PPFIA2: variants seen among roughly 807,000 people sequenced by gnomAD.
The protein encoded by PPFIA2 is liprin-alpha-2.
A neutral mutation model predicts 175.5 loss-of-function variants in PPFIA2; 46 were observed. The observed-to-expected ratio is 0.26, with a 90% CI of 0.21 to 0.34. PPFIA2 has a LOEUF of 0.34. Ranked by LOEUF, PPFIA2 falls within the 10% of genes least tolerant of loss-of-function variation. The probability of loss-of-function intolerance (pLI) is 1.00; values close to 1 mark genes in which losing one functional copy is unlikely to be tolerated. For missense variants in PPFIA2, 1,179 were observed against 1,506.1 expected, an observed-to-expected ratio of 0.78 and a Z score of 3.60; for synonymous variants, 568 against 511.4, an observed-to-expected ratio of 1.11 and a Z score of -1.49.
At chr12:81,560,007 T>TA (rs2069687344) in intron 4 of PPFIA2, among the ~76,000 whole-genome samples, 1 of 152,194 alleles carries the variant, frequency 6.6e-6, no homozygotes. Flanking sequence ...CACTTTGCAC[T>TA]AACAGACACT....
chr12:81,426,356 A>G (rs888101420), intron 7 of PPFIA2, among the ~76,000 whole-genome samples: 1 of 152,120 alleles, frequency 6.6e-6, no homozygotes, highest in African/African-American at 2.4e-5. Flanking sequence ...TTTACCTATA[A>G]TAAACCATAA....
chr12:81,421,553 G>GA (rs201386598), intron 7 of PPFIA2, among the ~76,000 whole-genome samples: 36 of 150,710 alleles, frequency 2.4e-4, no homozygotes, highest in Admixed American at 2.3e-3. Context: ...TATACAAGAA[G>GA]AAAAAAAATC....
At chr12:81,416,794 C>G (rs1468823778) in intron 7 of PPFIA2, among the ~76,000 whole-genome samples, 1 of 151,576 alleles carries the variant, frequency 6.6e-6, no homozygotes, top group East Asian at 1.9e-4. Context: ...AATTAATTAT[C>G]TCCCCAACTA....
At chr12:81,757,264 T>A (rs2084834824) in intron 2 of PPFIA2, among the ~76,000 whole-genome samples, 1 of 152,174 alleles carries the variant, frequency 6.6e-6, no homozygotes, top group Non-Finnish European at 1.5e-5. Flanking sequence ...GTCTAGTGCG[T>A]TTCACCCAGA....
intron 16 of PPFIA2, among the ~76,000 whole-genome samples, chr12:81,354,100 G>A (rs192796409): frequency 6.6e-6 from 1 of 152,166 alleles, no homozygotes; most frequent in Admixed American, 6.5e-5. Flanking sequence ...CTGGTGGAAG[G>A]TCTTGCCTTG....
At chr12:81,667,754 A>C (rs1283548625) in intron 4 of PPFIA2, among the ~76,000 whole-genome samples, 1 of 151,982 alleles carries the variant, frequency 6.6e-6, no homozygotes, top group Non-Finnish European at 1.5e-5. Context: ...CATTGTGGAT[A>C]TCCAGACCAT....
At chr12:81,724,636 T>G (rs755076549) in intron 3 of PPFIA2, among the ~76,000 whole-genome samples, 3 of 151,036 alleles carry the variant, frequency 2.0e-5, no homozygotes, top group Non-Finnish European at 4.5e-5. Flanking sequence ...TCTATCCTTG[T>G]TGCTGCAAAA....
At chr12:81,633,265 C>A (rs1295885625) in intron 4 of PPFIA2, among the ~76,000 whole-genome samples, 3 of 152,022 alleles carry the variant, frequency 2.0e-5, no homozygotes, top group African/African-American at 7.2e-5. Context: ...TCTTTCTTAT[C>A]CAAAAGATAC....
chr12:81,604,761 C>G (rs1406818959), intron 4 of PPFIA2, among the ~76,000 whole-genome samples: 1 of 151,576 alleles, frequency 6.6e-6, no homozygotes, highest in Non-Finnish European at 1.5e-5. Flanking sequence ...TAAGATGTAT[C>G]TTTTCCAAGA....
intron 4 of PPFIA2, among the ~76,000 whole-genome samples, chr12:81,466,778 A>G (rs2055719643): frequency 6.6e-6 from 1 of 151,416 alleles, no homozygotes; most frequent in Non-Finnish European, 1.5e-5. Context: ...TATCCCCACA[A>G]TGGCTGTTCT....
intron 3 of PPFIA2, among the ~76,000 whole-genome samples, chr12:81,708,157 A>G (rs1478479484): frequency 6.6e-6 from 1 of 151,952 alleles, no homozygotes; most frequent in Non-Finnish European, 1.5e-5. Flanking sequence ...ATGTACCCTA[A>G]AACTTAAAGT....
chr12:81,442,914 T>C (rs1183048721), intron 6 of PPFIA2, among the ~76,000 whole-genome samples: 1 of 131,422 alleles, frequency 7.6e-6, no homozygotes, highest in Non-Finnish European at 1.6e-5. Context: ...TACTTGTTTA[T>C]ATATCTATAT....
chr12:81,721,490 C>T (rs921124589), intron 3 of PPFIA2, among the ~76,000 whole-genome samples: 1 of 150,466 alleles, frequency 6.6e-6, no homozygotes, highest in Non-Finnish European at 1.5e-5. Flanking sequence ...CACACATATG[C>T]ATACATCTAG....
intron 4 of PPFIA2, among the ~76,000 whole-genome samples, chr12:81,644,031 G>A (rs2065719911): frequency 6.6e-6 from 1 of 151,860 alleles, no homozygotes; most frequent in South Asian, 2.1e-4. Flanking sequence ...CAACAAAAAT[G>A]TCAAGTTTTT....
chr12:81,702,500 G>C (rs1567923951), intron 3 of PPFIA2, among the ~76,000 whole-genome samples: 2 of 152,062 alleles, frequency 1.3e-5, no homozygotes, highest in Non-Finnish European at 2.9e-5. Flanking sequence ...AATTACTGAA[G>C]TTGTCTACAC....
At chr12:81,329,129 G>A (rs1169218866) in intron 21 of PPFIA2, among the ~76,000 whole-genome samples, 2 of 152,064 alleles carry the variant, frequency 1.3e-5, no homozygotes, top group Non-Finnish European at 2.9e-5. Flanking sequence ...AAAATGATGA[G>A]TGCCTCAGAG....
intron 4 of PPFIA2, among the ~76,000 whole-genome samples, chr12:81,668,388 A>G (rs143148054): frequency 3.7e-4 from 57 of 152,024 alleles, no homozygotes; most frequent in African/African-American, 1.3e-3. Context: ...CTACCTCCCA[A>G]ATTTACTGGA....
intron 4 of PPFIA2, among the ~76,000 whole-genome samples, chr12:81,620,538 C>T (rs1036603027): frequency 6.6e-6 from 1 of 152,140 alleles, no homozygotes; most frequent in Non-Finnish European, 1.5e-5. Flanking sequence ...AAGGCATATT[C>T]TGGGGCCAGA....
intron 4 of PPFIA2, among the ~76,000 whole-genome samples, chr12:81,464,746 C>G (rs1029871918): frequency 6.6e-6 from 1 of 152,026 alleles, no homozygotes; most frequent in Non-Finnish European, 1.5e-5. Context: ...TTGTTTTTAA[C>G]GTATGCCTTT....
Sources: gnomAD v4.1 joint callset for allele counts (sites outside exome capture counted in the v4.1 genomes callset) on GRCh38, gnomAD v4.1.1 for gene constraint, MANE v1.5 for transcripts, NCBI Gene and HGNC (gene_info 2026-07-23, HGNC 2026-07-21) for gene names.